CTDSPL2: variants seen among roughly 807,000 people sequenced by gnomAD.
The protein encoded by CTDSPL2 is CTD small phosphatase-like protein 2.
A neutral mutation model predicts 60.0 loss-of-function variants in CTDSPL2; 5 were observed. The observed-to-expected ratio is 0.08, with a 90% CI of 0.04 to 0.18. The LOEUF is 0.18. CTDSPL2 is among the 10% of genes least tolerant of loss of function. The probability of loss-of-function intolerance (pLI) is 1.00; values close to 1 mark genes in which losing one functional copy is unlikely to be tolerated. For synonymous variants in CTDSPL2, 186 were observed against 189.3 expected (o/e 0.98, Z 0.14); for missense variants, 370 against 548.8 (o/e 0.67, Z 3.26).
At chr15:44,439,068 A>G (rs2080030423) in intron 1 of CTDSPL2, among the ~76,000 whole-genome samples, 1 of 151,944 alleles carries the variant, frequency 6.6e-6, no homozygotes, top group Non-Finnish European at 1.5e-5. Flanking sequence ...CCTAAATTGT[A>G]TCATTTTCAT....
intron 3 of CTDSPL2, among the ~76,000 whole-genome samples, chr15:44,484,568 CTA>C (rs1316883449): frequency 6.6e-6 from 1 of 152,196 alleles, no homozygotes; most frequent in Non-Finnish European, 1.5e-5. Flanking sequence ...AACCCCGTCT[CTA>C]TTAAAATCAC....
intron 5 of CTDSPL2, 37 bp from the exon 6 acceptor site, chr15:44,496,343 G>A: frequency 2.9e-6 from 4 of 1,400,322 alleles, no homozygotes; most frequent in African/African-American, 1.4e-5. Context: ...GAAGCATTAA[G>A]TAAAAGCAAC....
chr15:44,515,123 G>C (rs2081627899), intron 10 of CTDSPL2, among the ~76,000 whole-genome samples: 1 of 151,986 alleles, frequency 6.6e-6, no homozygotes, highest in Non-Finnish European at 1.5e-5. Context: ...TGGGGGGGTT[G>C]TGTGGAATTT....
Position 44,436,569 on chromosome 15 carries a change from C to T in CTDSPL2, c.-25+8797C>T, listed in dbSNP as rs147796311. On this transcript the variant is annotated intron_variant, in intron 1 of 12. Coordinates refer to ENST00000260327, the MANE Select transcript of CTDSPL2 (RefSeq NM_016396.3). ...ACAAAGTGCTAGAATGATTGCATGA[C>T]TTAAGCAGTGTCTCACAGCTAACTA... Among the ~76,000 whole-genome samples the T allele has an allele frequency of 1.7e-3, 257 of 152,328 alleles. 1 individual carries two copies. The highest frequency in any genetic ancestry group is 6.0e-3 in the African/African-American group (249 of 41,570).
intron 1 of CTDSPL2, chr15:44,448,113 C>A: frequency 4.0e-6 from 1 of 252,992 alleles, no homozygotes; most frequent in South Asian, 4.3e-5. Flanking sequence ...GGCCAGCCCC[C>A]ATACCTGCAG....
intron 12 of CTDSPL2, among the ~76,000 whole-genome samples, chr15:44,523,306 C>A (rs544503694): frequency 6.6e-6 from 1 of 152,038 alleles, no homozygotes; most frequent in African/African-American, 2.4e-5. Context: ...AGTAATCCCA[C>A]CATTTTGGAA....
chr15:44,472,656 C>T (rs1595733129), intron 2 of CTDSPL2, among the ~76,000 whole-genome samples: 1 of 151,730 alleles, frequency 6.6e-6, no homozygotes, highest in East Asian at 1.9e-4. Flanking sequence ...TGCCACTATG[C>T]CCAGCTAATT....
In CTDSPL2 at chr15:44,525,426, G is replaced by A. The variant is rs1350375426; in HGVS notation, c.*1252G>A. 2.0e-5 allele frequency: 8 copies of A among 398,676 alleles called. No homozygotes were observed. The highest frequency in any genetic ancestry group is 1.4e-4 in the East Asian group (4 of 28,076). The allele number at this position is 398,676 out of a possible 1,614,324, so 24.7% of individuals were successfully genotyped here. ...TATAGTGGCGTGTAATCTCCTTTTCGGGAGGCTTTTTATGGAAGGTAGAAT... is the reference window on the plus strand; with the variant it reads ...TATAGTGGCGTGTAATCTCCTTTTCAGGAGGCTTTTTATGGAAGGTAGAAT... On this transcript the variant is annotated 3_prime_UTR_variant, in exon 13 of 13. Coordinates refer to ENST00000260327, the MANE Select transcript of CTDSPL2 (RefSeq NM_016396.3).
At position 44,466,439 on chromosome 15, in the gene CTDSPL2, TATTC is replaced by T. The variant is rs763984368; in HGVS notation, c.186+7248_186+7251del. Among the ~76,000 whole-genome samples, 10 of 152,250 alleles carry T rather than the reference TATTC, an allele frequency of 6.6e-5. 1 individual carries two copies. The highest frequency in any genetic ancestry group is 2.1e-4 in the South Asian group (1 of 4,834). On this transcript the variant is annotated intron_variant, in intron 2 of 12. Transcript: ENST00000260327. ...GAAACGACAGTTTAAGATTCATTCA[TATTC>T]ATTCATTCTCTTCCCACCACCACAC...
At chr15:44,524,064 T>G (rs1278982159) in intron 12 of CTDSPL2, 45 bp from the exon 13 acceptor site, 17 of 1,451,422 alleles carry the variant, frequency 1.2e-5, no homozygotes, top group Middle Eastern at 1.7e-4. Context: ...GGATCATATC[T>G]TTGAAATTTT....
intron 1 of CTDSPL2, chr15:44,448,680 A>T: frequency 3.1e-6 from 1 of 322,012 alleles, no homozygotes. Flanking sequence ...CTCCATTCTA[A>T]TTTCTGCAGG....
Position 44,484,216 on chromosome 15 carries a change from A to G in CTDSPL2, c.187-8A>G, listed in dbSNP as rs1253027971. On this transcript the variant is annotated splice_polypyrimidine_tract_variant and splice_region_variant and intron_variant, in intron 2 of 12. Coordinates refer to ENST00000260327, the MANE Select transcript of CTDSPL2 (RefSeq NM_016396.3). ...CTTAGTGTGTTTTTTTTTCTCTTATATCTTAAGGAAGAGAGAGAAAATCCT... is the reference window on the plus strand; with the variant it reads ...CTTAGTGTGTTTTTTTTTCTCTTATGTCTTAAGGAAGAGAGAGAAAATCCT... The G allele has an allele frequency of 1.3e-6, 2 of 1,596,074 alleles. No individual in the cohort carries two copies. The highest frequency in any genetic ancestry group is 1.1e-5 in the South Asian group (1 of 88,716).
chr15:44,485,188 TAC>T, intron 3 of CTDSPL2, among the ~76,000 whole-genome samples: 1 of 152,350 alleles, frequency 6.6e-6, no homozygotes, highest in Admixed American at 6.5e-5. Flanking sequence ...CATCCTACAA[TAC>T]ACAGGACAGC....
chr15:44,477,943 C>T (rs1415760338), intron 2 of CTDSPL2, among the ~76,000 whole-genome samples: 1 of 151,940 alleles, frequency 6.6e-6, no homozygotes, highest in Admixed American at 6.6e-5. Context: ...TACTATTTAT[C>T]TGATGCCTGC....
At chr15:44,463,517 A>C (rs931784518) in intron 2 of CTDSPL2, among the ~76,000 whole-genome samples, 4 of 152,230 alleles carry the variant, frequency 2.6e-5, no homozygotes, top group African/African-American at 9.6e-5. Context: ...GCTGTAACTG[A>C]ACTCAGATTT....
At chr15:44,511,408 A>G (rs886410683) in intron 8 of CTDSPL2, among the ~76,000 whole-genome samples, 2 of 152,224 alleles carry the variant, frequency 1.3e-5, no homozygotes, top group African/African-American at 4.8e-5. Flanking sequence ...CCTTTGAACA[A>G]TGTTCCACTT....
At chr15:44,443,884 A>T (rs1297654279) in intron 1 of CTDSPL2, among the ~76,000 whole-genome samples, 1 of 152,142 alleles carries the variant, frequency 6.6e-6, no homozygotes, top group Non-Finnish European at 1.5e-5. Context: ...TTGATAGTGT[A>T]CTTTGATACA....
At chr15:44,494,209 T>C (rs568199225) in intron 5 of CTDSPL2, among the ~76,000 whole-genome samples, 5 of 152,280 alleles carry the variant, frequency 3.3e-5, no homozygotes, top group African/African-American at 1.2e-4. Context: ...TAAAGCACTA[T>C]CAAAAGATAA....
chr15:44,482,886 C>G (rs1044968525), intron 2 of CTDSPL2, among the ~76,000 whole-genome samples: 3 of 152,124 alleles, frequency 2.0e-5, no homozygotes, highest in African/African-American at 4.8e-5. Flanking sequence ...ATTTGAAGAT[C>G]TAATCCTTAC....
Sources: gnomAD v4.1 joint callset for allele counts (sites outside exome capture counted in the v4.1 genomes callset) on GRCh38, gnomAD v4.1.1 for gene constraint, MANE v1.5 for transcripts, NCBI Gene and HGNC (gene_info 2026-07-23, HGNC 2026-07-21) for gene names.